PDE4A: variants seen among roughly 807,000 people sequenced by gnomAD.
PDE4A encodes 3',5'-cyclic-AMP phosphodiesterase 4A.
Under a neutral mutation model 73.9 loss-of-function variants are expected in PDE4A, and 21 were observed. That is an observed-to-expected ratio of 0.28 (90% CI 0.20 to 0.41). The LOEUF is 0.41. Among genes scored for constraint, PDE4A ranks in the 10% least tolerant of loss-of-function variants. The pLI is 1.00. For missense variants in PDE4A, 958 were observed against 1,211.4 expected (o/e 0.79, Z 3.10); for synonymous variants, 463 against 505.4 (o/e 0.92, Z 1.13).
At chr19:10,434,889 CTTTTTTTTTT>C (rs377462932) in intron 1 of PDE4A, among the ~76,000 whole-genome samples, 1 of 107,254 alleles carries the variant, frequency 9.3e-6, no homozygotes, top group East Asian at 2.5e-4. Flanking sequence ...CTGTGCCCAG[CTTTTTTTTTT>C]TTTTTTTTTT....
chr19:10,435,109 C>G (rs2042847608), intron 1 of PDE4A, among the ~76,000 whole-genome samples: 1 of 151,948 alleles, frequency 6.6e-6, no homozygotes, highest in African/African-American at 2.4e-5. Context: ...TCCCGTCAGT[C>G]CCTGCAGTAG....
At chr19:10,459,291 G>A (rs1599450657) in intron 8 of PDE4A, 109 bp from the exon 9 acceptor site, 1 of 1,557,786 alleles carries the variant, frequency 6.4e-7, no homozygotes, top group African/African-American at 1.4e-5. Context: ...CACCCACTGG[G>A]TGAGCAATAA....
chr19:10,419,814 C>T (rs2042626003), upstream of PDE4A, among the ~76,000 whole-genome samples: 1 of 152,224 alleles, frequency 6.6e-6, no homozygotes, highest in South Asian at 2.1e-4. Context: ...TCACAGTCCC[C>T]AGGCCACCTG....
chr19:10,440,289 CTCTT>C (rs2042919975), intron 1 of PDE4A, among the ~76,000 whole-genome samples: 1 of 151,878 alleles, frequency 6.6e-6, no homozygotes, highest in South Asian at 2.1e-4. Flanking sequence ...AGACCTGTAT[CTCTT>C]TCTTTTGATT....
In PDE4A at chr19:10,463,787, A is replaced by G. The variant is rs375041067; in HGVS notation, c.1744-6A>G. On this transcript the variant is annotated splice_polypyrimidine_tract_variant and splice_region_variant and intron_variant, in intron 13 of 14. Transcript: ENST00000380702. Reference sequence around the variant, plus strand: ...GAAGTTTCCCCTGTGCCCCAACCCCATGCAGGTCCTCCGGAACATGGTGCA... The same window carrying G: ...GAAGTTTCCCCTGTGCCCCAACCCCGTGCAGGTCCTCCGGAACATGGTGCA... The G allele has an allele frequency of 1.9e-6, 3 of 1,613,796 alleles. No homozygotes were observed. The highest frequency in any genetic ancestry group is 2.5e-6 in the Non-Finnish European group (3 of 1,179,864).
intron 1 of PDE4A, among the ~76,000 whole-genome samples, chr19:10,425,589 T>C (rs894986009): frequency 6.6e-6 from 1 of 152,184 alleles, no homozygotes; most frequent in Non-Finnish European, 1.5e-5. Flanking sequence ...CTTATGACTT[T>C]AGGAAAACTG....
intron 7 of PDE4A, among the ~76,000 whole-genome samples, chr19:10,455,481 A>AT (rs1432247870): frequency 2.7e-5 from 4 of 150,916 alleles, no homozygotes; most frequent in Admixed American, 6.6e-5. Flanking sequence ...AAAAAAAAAA[A>AT]ATATTAGCCG....
intron 1 of PDE4A, chr19:10,432,647 T>C: frequency 7.2e-7 from 1 of 1,382,206 alleles, no homozygotes; most frequent in African/African-American, 1.5e-5. Flanking sequence ...GTGGGGGTGC[T>C]GAGTCTACCT....
intron 2 of PDE4A, among the ~76,000 whole-genome samples, chr19:10,447,000 G>A (rs1329739707): frequency 1.0e-4 from 15 of 150,358 alleles, no homozygotes; most frequent in Admixed American, 8.0e-4. Context: ...CCAGGTTCAC[G>A]CCATTCTCCT....
chr19:10,418,940 C>T (rs1409493979), upstream of PDE4A: 1 of 984,990 alleles, frequency 1.0e-6, no homozygotes, highest in Admixed American at 6.2e-5. Flanking sequence ...CAGTTTTGGC[C>T]CTTGGAATAC....
At chr19:10,423,157 CTTTTT>C (rs61513692) in intron 1 of PDE4A, 939 of 753,710 alleles carry the variant, frequency 1.2e-3, no homozygotes, top group Non-Finnish European at 1.3e-3. Flanking sequence ...AACCCTTTCT[CTTTTT>C]TTTTTTTTTT....
In PDE4A at chr19:10,421,099, G is replaced by C; in HGVS notation, c.320+15G>C. 1 of 1,362,416 alleles carries C rather than the reference G, an allele frequency of 7.3e-7. No individual in the cohort carries two copies. The highest frequency in any genetic ancestry group is 9.4e-7 in the Non-Finnish European group (1 of 1,065,744). 84.4% of individuals were successfully genotyped at this position (1,362,416 alleles called of 1,614,324 possible). On this transcript the variant is annotated intron_variant, in intron 1 of 14. Coordinates refer to ENST00000380702, the MANE Select transcript of PDE4A (RefSeq NM_001111307.2). ...AGCAGCAGGCGGTAAGACTCCCCGC[G>C]GCGGATGCGCGCGGAACGGATGGGC...
At chr19:10,456,024 G>A in intron 7 of PDE4A, among the ~76,000 whole-genome samples, 1 of 144,468 alleles carries the variant, frequency 6.9e-6, no homozygotes, top group East Asian at 2.0e-4. Flanking sequence ...TCCAAACTTG[G>A]TATGACCCCC....
chr19:10,431,171 C>A, intron 1 of PDE4A: 1 of 920,246 alleles, frequency 1.1e-6, no homozygotes, highest in Non-Finnish European at 1.5e-6. Context: ...GGCTCACTCT[C>A]TCCAGCCTCA....
intron 4 of PDE4A, 81 bp downstream of exon 4, chr19:10,449,231 C>A: frequency 6.8e-7 from 1 of 1,466,716 alleles, no homozygotes; most frequent in East Asian, 2.4e-5. Flanking sequence ...GCTGTGTGAC[C>A]TCTGGCAGGC....
intron 6 of PDE4A, among the ~76,000 whole-genome samples, chr19:10,452,004 A>T (rs1023563305): frequency 4.9e-5 from 7 of 142,216 alleles, no homozygotes; most frequent in Non-Finnish European, 1.1e-4. Context: ...TATGGGTCTG[A>T]GGATGTTTCT....
rs889637941 is a variant in PDE4A at position 10,423,516 on chromosome 19, A to G, written c.320+2432A>G. Among the ~76,000 whole-genome samples, 11 of 152,240 alleles carry G rather than the reference A, an allele frequency of 7.2e-5. No homozygotes were observed. The South Asian group carries it at 1.2e-3, about 17-fold the overall frequency. On this transcript the variant is annotated intron_variant, in intron 1 of 14. Transcript: ENST00000380702. ...ACAACCAGGAGATGGGGGAGCTGGA[A>G]TTGCAACGCAGGTCCGCCCAATTCC... is the stretch of plus-strand genomic sequence containing the variant.
chr19:10,449,709 G>A (rs1289315347), intron 4 of PDE4A, among the ~76,000 whole-genome samples: 1 of 152,018 alleles, frequency 6.6e-6, no homozygotes, highest in Non-Finnish European at 1.5e-5. Flanking sequence ...ATGGTGGTGA[G>A]GCCACAGCCA....
chr19:10,448,906 C>T lies in PDE4A; in HGVS notation c.513-11C>T. Reference sequence around the variant, plus strand: ...TGCGGACCCCTGACCTGCCTCTGTCCTCAATCACAGGCACGCTGAAGACCT... The same window carrying T: ...TGCGGACCCCTGACCTGCCTCTGTCTTCAATCACAGGCACGCTGAAGACCT... On this transcript the variant is annotated splice_polypyrimidine_tract_variant and intron_variant, in intron 2 of 14. Transcript: ENST00000380702. 1 of 1,613,872 alleles carries T rather than the reference C, an allele frequency of 6.2e-7. No individual in the cohort carries two copies. The highest frequency in any genetic ancestry group is 8.5e-7 in the Non-Finnish European group (1 of 1,179,868).
Sources: gnomAD v4.1 joint callset for allele counts (sites outside exome capture counted in the v4.1 genomes callset) on GRCh38, gnomAD v4.1.1 for gene constraint, MANE v1.5 for transcripts, NCBI Gene and HGNC (gene_info 2026-07-23, HGNC 2026-07-21) for gene names.